The following HIPK2 variants were observed in gnomAD, a reference collection of about 807,000 sequenced individuals.
HIPK2 encodes the protein homeodomain interacting protein kinase 2, also known as homeodomain-interacting protein kinase 2.
Under a neutral mutation model 113.7 loss-of-function variants are expected in HIPK2, and 27 were observed. That is an observed-to-expected ratio of 0.24 (90% CI 0.17 to 0.33). The LOEUF (loss-of-function observed/expected upper bound fraction) is 0.33. Ranked by LOEUF, HIPK2 falls within the 10% of genes least tolerant of loss-of-function variation. HIPK2 has a pLI of 1.00. For missense variants in HIPK2, 1,257 were observed against 1,588.0 expected (o/e 0.79, Z 3.54); for synonymous variants, 631 against 642.2 (o/e 0.98, Z 0.26).
chr7:139,720,123 ACTTC>A (rs1192606260), intron 1 of HIPK2, among the ~76,000 whole-genome samples: 2 of 152,162 alleles, frequency 1.3e-5, no homozygotes, highest in Non-Finnish European at 2.9e-5. Flanking sequence ...TGTCTCTTAT[ACTTC>A]CTATCTTCAC....
chr7:139,676,052 T>C (rs115761782), intron 2 of HIPK2, among the ~76,000 whole-genome samples: 1,676 of 152,330 alleles, frequency 0.011, 31 homozygotes, highest in African/African-American at 0.038. Flanking sequence ...CACTTTGCAA[T>C]GGGGCCCCCT....
At chr7:139,747,127 T>C (rs1796203435) in intron 1 of HIPK2, among the ~76,000 whole-genome samples, 1 of 151,708 alleles carries the variant, frequency 6.6e-6, no homozygotes, top group African/African-American at 2.4e-5. Flanking sequence ...CCAGTTGGGG[T>C]TCCATCTCAG....
chr7:139,590,272 A>G (rs1452344727), intron 12 of HIPK2, among the ~76,000 whole-genome samples: 1 of 152,256 alleles, frequency 6.6e-6, no homozygotes, highest in Non-Finnish European at 1.5e-5. Context: ...TGAATAAAGA[A>G]CAAAGCTGTC....
intron 13 of HIPK2, 62 bp downstream of exon 13, chr7:139,583,755 C>G (rs1585237219): frequency 6.4e-7 from 1 of 1,567,404 alleles, no homozygotes; most frequent in Non-Finnish European, 8.7e-7. Context: ...TTTCTAGCAG[C>G]AGAAAAGCAG....
chr7:139,748,718 T>G (rs1026821191), intron 1 of HIPK2, among the ~76,000 whole-genome samples: 1 of 151,982 alleles, frequency 6.6e-6, no homozygotes, highest in Non-Finnish European at 1.5e-5. Flanking sequence ...AATGACCCTA[T>G]TTCCAAATAA....
chr7:139,734,390 G>T (rs1047165405), intron 1 of HIPK2, among the ~76,000 whole-genome samples: 2 of 152,148 alleles, frequency 1.3e-5, no homozygotes, highest in Admixed American at 1.3e-4. Context: ...AAACTTTGAC[G>T]CAAATCACTC....
At chr7:139,597,125 T>C (rs1799250518) in intron 11 of HIPK2, 127 bp from the exon 12 acceptor site, 1 of 975,808 alleles carries the variant, frequency 1.0e-6, no homozygotes, top group East Asian at 2.6e-5. Context: ...GGCTGCCCAA[T>C]GAGCCTCCAT....
chr7:139,681,724 T>G (rs943602111), intron 2 of HIPK2, among the ~76,000 whole-genome samples: 2 of 151,984 alleles, frequency 1.3e-5, no homozygotes, highest in African/African-American at 4.8e-5. Context: ...CTGGGAAAAA[T>G]ATTCTCACTT....
At chr7:139,762,379 G>T (rs886917132) in intron 1 of HIPK2, among the ~76,000 whole-genome samples, 2 of 152,180 alleles carry the variant, frequency 1.3e-5, no homozygotes, top group African/African-American at 4.8e-5. Context: ...GCCTCCTCAA[G>T]CAAACTTTAC....
chr7:139,603,892 G>A (rs540706067), intron 10 of HIPK2, 189 bp downstream of exon 10: 1 of 199,220 alleles, frequency 5.0e-6, no homozygotes, highest in East Asian at 1.9e-4. Flanking sequence ...CTTGTATCCT[G>A]GTATATTATT....
chr7:139,748,671 A>G (rs1425049006), intron 1 of HIPK2, among the ~76,000 whole-genome samples: 1 of 151,540 alleles, frequency 6.6e-6, no homozygotes, highest in Non-Finnish European at 1.5e-5. Flanking sequence ...GGCCCACCCT[A>G]CTTTAGTGGG....
Position 139,571,375 on chromosome 7 carries a change from G to C in HIPK2, c.*1552C>G, listed in dbSNP as rs1182010896. The C allele has an allele frequency of 6.6e-6, 1 of 152,374 alleles. No individual in the cohort carries two copies. The highest frequency in any genetic ancestry group is 1.5e-5 in the Non-Finnish European group (1 of 68,142). 9.4% of individuals were successfully genotyped at this position (152,374 alleles called of 1,614,324 possible). A position where few individuals can be genotyped will look rare whatever the true frequency, so the allele number is the denominator to read the frequency against. On this transcript the variant is annotated 3_prime_UTR_variant, in exon 15 of 15. Coordinates refer to ENST00000406875, the MANE Select transcript of HIPK2 (RefSeq NM_022740.5). Reference sequence around the variant, plus strand: ...AGACGGCTGCCTGGCGAGGCCAACAGTCCGGAAACCTCTGGCCTCACAAAT... The same window carrying C: ...AGACGGCTGCCTGGCGAGGCCAACACTCCGGAAACCTCTGGCCTCACAAAT...
At chr7:139,672,195 T>C (rs1802327401) in intron 2 of HIPK2, among the ~76,000 whole-genome samples, 1 of 152,210 alleles carries the variant, frequency 6.6e-6, no homozygotes, top group Non-Finnish European at 1.5e-5. Flanking sequence ...GATGACTCCC[T>C]GCCCTCACGG....
intron 1 of HIPK2, among the ~76,000 whole-genome samples, chr7:139,741,636 T>C (rs1043993405): frequency 5.4e-5 from 6 of 111,306 alleles, no homozygotes; most frequent in Non-Finnish European, 1.0e-4. Flanking sequence ...CTCCACACTC[T>C]AGCCTGTCCC....
chr7:139,641,530 T>C (rs970024107), intron 2 of HIPK2, among the ~76,000 whole-genome samples: 2 of 152,192 alleles, frequency 1.3e-5, no homozygotes, highest in South Asian at 2.1e-4. Context: ...AAGACAGCCA[T>C]GCGCTTGGGC....
rs527717146 is a variant in HIPK2 at position 139,677,578 on chromosome 7, A to AT, written c.1103+38353dup. ...AGCTACATGAAGCCACTTTTCTATT[A>AT]TTTTTTTTAAATTATACTTTAAGTT... On this transcript the variant is annotated intron_variant, in intron 2 of 14. Coordinates refer to ENST00000406875, the MANE Select transcript of HIPK2 (RefSeq NM_022740.5). Among the ~76,000 whole-genome samples the AT allele has an allele frequency of 2.3e-3, 344 of 151,994 alleles. 1 individual carries two copies. The highest frequency in any genetic ancestry group is 3.7e-3 in the Non-Finnish European group (249 of 67,940).
chr7:139,620,860 A>T (rs535503115), intron 6 of HIPK2, among the ~76,000 whole-genome samples: 4 of 152,212 alleles, frequency 2.6e-5, no homozygotes, highest in Non-Finnish European at 5.9e-5. Flanking sequence ...CATCAGGTCC[A>T]CCTGCAGCAT....
chr7:139,668,073 C>T (rs1802112254), intron 2 of HIPK2, among the ~76,000 whole-genome samples: 1 of 150,616 alleles, frequency 6.6e-6, no homozygotes, highest in South Asian at 2.1e-4. Flanking sequence ...TTGCAGCAAG[C>T]CGAGATCAAA....
At chr7:139,695,766 G>GAA (rs1173568440) in intron 2 of HIPK2, among the ~76,000 whole-genome samples, 1 of 152,202 alleles carries the variant, frequency 6.6e-6, no homozygotes, top group Non-Finnish European at 1.5e-5. Context: ...AACTATGGAA[G>GAA]AAGCATGACT....
Sources: gnomAD v4.1 joint callset for allele counts (sites outside exome capture counted in the v4.1 genomes callset) on GRCh38, gnomAD v4.1.1 for gene constraint, MANE v1.5 for transcripts, NCBI Gene and HGNC (gene_info 2026-07-23, HGNC 2026-07-21) for gene names.